MBD3L1: variants seen among roughly 807,000 people sequenced by gnomAD.
MBD3L1 encodes methyl-CpG binding domain protein 3 like 1, also known as methyl-CpG-binding domain protein 3-like 1.
For synonymous variants in MBD3L1, 84 were observed against 85.1 expected (o/e 0.99, Z 0.07); for missense variants, 203 against 230.1 (o/e 0.88, Z 0.76).
chr19:8,843,007 C>T lies in MBD3L1; in HGVS notation c.329C>T (p.Ala110Val). ...YTGGSLLEDL[A>V]SGLEHSCPMP... ...GGTGGATCTCTGCTGGAGGATCTTGCCAGTGGTCTGGAGCACTCCTGCCCC... is the reference window on the plus strand; with the variant it reads ...GGTGGATCTCTGCTGGAGGATCTTGTCAGTGGTCTGGAGCACTCCTGCCCC... The change falls in exon 3 of 3, where the codon GCC becomes GTC. Residue 110 changes from alanine (A) to valine (V), a missense_variant. Physicochemically the swap from Ala to Val is moderately conservative, Grantham distance 64. Coordinates refer to ENST00000595891, the MANE Select transcript of MBD3L1 (RefSeq NM_001393532.1). 1.2e-6 allele frequency: 2 copies of T among 1,614,200 alleles called. No homozygotes were observed. The highest frequency in any genetic ancestry group is 1.1e-5 in the South Asian group (1 of 91,084).
chr19:8,836,623 C>G (rs2044458826), intron 1 of MBD3L1, among the ~76,000 whole-genome samples: 1 of 152,178 alleles, frequency 6.6e-6, no homozygotes, highest in Admixed American at 6.5e-5. Flanking sequence ...TCCCGAGTAG[C>G]TGGGACTGCA....
rs557173159 is a variant in MBD3L1, at chr19:8,838,840, G to A, written c.-106-2075G>A. Among the ~76,000 whole-genome samples, 22 of 152,292 alleles carry A rather than the reference G, an allele frequency of 1.4e-4. No individual in the cohort carries two copies. The South Asian group carries it at 3.7e-3, about 26-fold the overall frequency. ...AGGTTGGAGGGGATTTTATAGGGTC[G>A]TGCTGGAGGCGGCTATGTGCACGTG... is the stretch of plus-strand genomic sequence containing the variant. On this transcript the variant is annotated intron_variant, in intron 1 of 2. Coordinates refer to ENST00000595891, the MANE Select transcript of MBD3L1 (RefSeq NM_001393532.1).
At chr19:8,834,693 C>T (rs951046861) in intron 1 of MBD3L1, among the ~76,000 whole-genome samples, 4 of 148,546 alleles carry the variant, frequency 2.7e-5, no homozygotes, top group East Asian at 2.0e-4. Context: ...TGAAATTGGA[C>T]CTCTACTTCA....
chr19:8,842,141 C>G (rs1206334735), intron 2 of MBD3L1, among the ~76,000 whole-genome samples: 3 of 151,854 alleles, frequency 2.0e-5, no homozygotes, highest in Non-Finnish European at 4.4e-5. Flanking sequence ...CCAGCCTGGA[C>G]AATATGGTGA....
rs373712592 is a variant in MBD3L1, at chr19:8,841,837, G to A, written c.-21-821G>A. Among the ~76,000 whole-genome samples, 45 of 152,270 alleles carry A rather than the reference G, an allele frequency of 3.0e-4. No individual in the cohort carries two copies. In the East Asian group the frequency reaches 4.8e-3, roughly 16 times the overall value. On this transcript the variant is annotated intron_variant, in intron 2 of 2. Transcript: ENST00000595891. ...CTCCCAAAGTGCTGGGATTACAGAT[G>A]TAAGCCACTGTGCTGGGTCAGAATT...
Position 8,838,252 on chromosome 19 carries a change from CAAAAAAAAAAAAAA to C in MBD3L1, c.-106-2645_-106-2632del, listed in dbSNP as rs542318207. 1.7e-3 allele frequency among the ~76,000 whole-genome samples: 20 copies of C among 11,830 alleles called. 1 individual carries two copies. The highest frequency in any genetic ancestry group is 3.2e-3 in the African/African-American group (13 of 4,044). 7.8% of individuals were successfully genotyped at this position (11,830 alleles called of 152,430 possible). On this transcript the variant is annotated intron_variant, in intron 1 of 2. Coordinates refer to ENST00000595891, the MANE Select transcript of MBD3L1 (RefSeq NM_001393532.1). ...TGGACGACAGAGCAAGACTCCATCTCAAAAAAAAAAAAAAAAAAAAAAAAAAAAAAAGATCAGCA... is the reference window on the plus strand; with the variant it reads ...TGGACGACAGAGCAAGACTCCATCTCAAAAAAAAAAAAAAAAAGATCAGCA...
At chr19:8,838,023 C>T (rs543639501) in intron 1 of MBD3L1, among the ~76,000 whole-genome samples, 2 of 151,484 alleles carry the variant, frequency 1.3e-5, no homozygotes, top group Non-Finnish European at 2.9e-5. Context: ...CCGAGGCGGG[C>T]GGATCATGAC....
At chr19:8,840,607 A>G (rs999993846) in intron 1 of MBD3L1, among the ~76,000 whole-genome samples, 25 of 152,216 alleles carry the variant, frequency 1.6e-4, no homozygotes, top group African/African-American at 6.0e-4. Flanking sequence ...GCCTGGCAGG[A>G]AATCTCTTTA....
chr19:8,838,878 A>G (rs1000201811), intron 1 of MBD3L1, among the ~76,000 whole-genome samples: 3 of 152,120 alleles, frequency 2.0e-5, no homozygotes, highest in African/African-American at 7.2e-5. Flanking sequence ...GTGTGCAGAT[A>G]AGGTCGTGTT....
intron 1 of MBD3L1, among the ~76,000 whole-genome samples, chr19:8,837,344 G>A (rs535791605): frequency 4.0e-4 from 61 of 152,252 alleles, no homozygotes; most frequent in Admixed American, 9.8e-4. Context: ...TGGTGTAGCC[G>A]TATGAAATGA....
In MBD3L1 at chr19:8,843,280, A is replaced by T. The variant is rs752712148; in HGVS notation, c.*17A>T. 1 of 1,510,870 alleles carries T rather than the reference A, an allele frequency of 6.6e-7. No individual in the cohort carries two copies. The highest frequency in any genetic ancestry group is 8.9e-7 in the Non-Finnish European group (1 of 1,127,246). 93.6% of individuals were successfully genotyped at this position (1,510,870 alleles called of 1,614,324 possible). ...AAACGCTAAGAAAAAAAGGGAAGAT[A>T]GTGCAGATGAAATAAAGTGTAATCC... On this transcript the variant is annotated 3_prime_UTR_variant, in exon 3 of 3. Coordinates refer to ENST00000595891, the MANE Select transcript of MBD3L1 (RefSeq NM_001393532.1).
Position 8,838,252 on chromosome 19 carries a change from C to CAAAAAAAAAAAAAAAAAAAAAAAAA in MBD3L1, c.-106-2656_-106-2632dup, listed in dbSNP as rs542318207. Among the ~76,000 whole-genome samples the CAAAAAAAAAAAAAAAAAAAAAAAAA allele has an allele frequency of 1.4e-3, 16 of 11,832 alleles. 7 individuals are homozygous for CAAAAAAAAAAAAAAAAAAAAAAAAA. Among genetic ancestry groups the CAAAAAAAAAAAAAAAAAAAAAAAAA allele is most frequent in the Admixed American group, 3.6e-3 (2 of 556 alleles). 7.8% of individuals were successfully genotyped at this position (11,832 alleles called of 152,430 possible). A position where few individuals can be genotyped will look rare whatever the true frequency, so the allele number is the denominator to read the frequency against. On this transcript the variant is annotated intron_variant, in intron 1 of 2. Coordinates refer to ENST00000595891, the MANE Select transcript of MBD3L1 (RefSeq NM_001393532.1). ...TGGACGACAGAGCAAGACTCCATCT[C>CAAAAAAAAAAAAAAAAAAAAAAAAA]AAAAAAAAAAAAAAAAAAAAAAAAA... is the stretch of plus-strand genomic sequence containing the variant.
At chr19:8,839,180 CTTTTCTTTT>C (rs2044485239) in intron 1 of MBD3L1, among the ~76,000 whole-genome samples, 4 of 61,966 alleles carry the variant, frequency 6.5e-5, no homozygotes, top group Admixed American at 2.1e-4. Context: ...TTTTTCTTTT[CTTTTCTTTT>C]TTTTTTTTTT....
At chr19:8,839,429 T>C (rs1030339001) in intron 1 of MBD3L1, among the ~76,000 whole-genome samples, 1 of 152,102 alleles carries the variant, frequency 6.6e-6, no homozygotes, top group African/African-American at 2.4e-5. Flanking sequence ...CTCAATCTCC[T>C]GACCTCATGA....
chr19:8,839,487 A>T lies in MBD3L1; in HGVS notation c.-106-1428A>T, dbSNP rs138964203. 4.8e-3 allele frequency among the ~76,000 whole-genome samples: 727 copies of T among 152,212 alleles called. 4 individuals are homozygous for T. Among genetic ancestry groups the T allele is most frequent in the Middle Eastern group, 0.02 (6 of 294 alleles). Reference sequence around the variant, plus strand: ...AGTGCTGGGATTACAGGTGTGAGCCACCGTGCCTGGCCATATTTAGATTTT... The same window carrying T: ...AGTGCTGGGATTACAGGTGTGAGCCTCCGTGCCTGGCCATATTTAGATTTT... On this transcript the variant is annotated intron_variant, in intron 1 of 2. Transcript: ENST00000595891.
intron 1 of MBD3L1, among the ~76,000 whole-genome samples, chr19:8,838,109 G>A (rs893695143): frequency 1.3e-4 from 20 of 151,614 alleles, no homozygotes; most frequent in Admixed American, 3.9e-4. Flanking sequence ...TAAGCTGGGC[G>A]TGGTGGTGCA....
At chr19:8,834,067 A>G (rs1372354253) in intron 1 of MBD3L1, among the ~76,000 whole-genome samples, 3 of 152,220 alleles carry the variant, frequency 2.0e-5, no homozygotes, top group Non-Finnish European at 4.4e-5. Flanking sequence ...AATTTTATGT[A>G]AGAGAGTGGT....
intron 2 of MBD3L1, 80 bp downstream of exon 2, chr19:8,841,079 T>A (rs2044507786): frequency 6.6e-6 from 1 of 150,718 alleles, no homozygotes. Context: ...CAGGCTGGAG[T>A]GCAATGATGT....
chr19:8,838,163 G>A (rs1195520337), intron 1 of MBD3L1, among the ~76,000 whole-genome samples: 2 of 146,118 alleles, frequency 1.4e-5, no homozygotes, highest in Admixed American at 7.0e-5. Flanking sequence ...CAGGAGAATC[G>A]CTTGAACCCA....
Sources: allele counts gnomAD v4.1 joint callset (sites outside exome capture counted in the v4.1 genomes callset), GRCh38; gene constraint gnomAD v4.1.1; transcripts MANE v1.5; gene names NCBI Gene and HGNC (gene_info 2026-07-23, HGNC 2026-07-21).